PLB1: variants seen among roughly 807,000 people sequenced by gnomAD.
PLB1 encodes the protein phospholipase B1, membrane-associated.
A neutral mutation model predicts 227.4 loss-of-function variants in PLB1; 242 were observed. The ratio of observed to expected loss-of-function variants is 1.06; its 90% CI spans 0.96 to 1.18. The LOEUF is 1.18. PLB1 is among the 50% of genes most tolerant of loss of function. PLB1 has a pLI of 0.00. For missense variants in PLB1, 1,858 were observed against 1,816.3 expected (o/e 1.02, Z -0.42); for synonymous variants, 757 against 682.2 (o/e 1.11, Z -1.71).
chr2:28,516,170 T>C (rs1054558283), intron 1 of PLB1, among the ~76,000 whole-genome samples: 3 of 152,210 alleles, frequency 2.0e-5, no homozygotes, highest in African/African-American at 7.2e-5. Flanking sequence ...TTATTGTAAG[T>C]CAATTACACT....
intron 51 of PLB1, 97 bp downstream of exon 51, chr2:28,626,605 T>G: frequency 1.5e-5 from 9 of 599,538 alleles, no homozygotes; most frequent in Non-Finnish European, 2.3e-5. Flanking sequence ...CCCGAGCTCC[T>G]TGCTCATGGG....
chr2:28,620,692 G>T (rs1274636432), intron 48 of PLB1, 49 bp downstream of exon 48: 1 of 1,608,956 alleles, frequency 6.2e-7, no homozygotes, highest in African/African-American at 1.3e-5. Context: ...TCCTCCCTGG[G>T]GCCAGGGCCT....
chr2:28,551,813 C>T (rs774829115), intron 16 of PLB1, among the ~76,000 whole-genome samples: 7 of 152,158 alleles, frequency 4.6e-5, no homozygotes, highest in Admixed American at 2.0e-4. Context: ...TCTAGCATAC[C>T]ATGAGTTCTA....
chr2:28,591,948 C>T, intron 31 of PLB1, among the ~76,000 whole-genome samples, 188 bp downstream of exon 31: 1 of 152,192 alleles, frequency 6.6e-6, no homozygotes, highest in East Asian at 1.9e-4. Context: ...ACACCATGCC[C>T]AGCAGGCACC....
chr2:28,508,725 AGTGTGGTCCACACCCTTGCTG>A (rs2148163865), intron 1 of PLB1, among the ~76,000 whole-genome samples: 1 of 152,360 alleles, frequency 6.6e-6, no homozygotes, highest in Admixed American at 6.5e-5. Context: ...AGTGGAGAGC[AGTGTGGTCCACACCCTTGCTG>A]GTGTGGTCTG....
intron 7 of PLB1, 89 bp downstream of exon 7, chr2:28,529,496 C>G: frequency 8.6e-7 from 1 of 1,163,560 alleles, no homozygotes; most frequent in Non-Finnish European, 1.3e-6. Context: ...CTGGCAAAGT[C>G]AAAGAGGCTT....
chr2:28,560,579 G>A (rs972947190), intron 17 of PLB1, among the ~76,000 whole-genome samples: 24 of 152,284 alleles, frequency 1.6e-4, no homozygotes, highest in African/African-American at 4.8e-4. Flanking sequence ...CCAGGAGGCC[G>A]AGGCTGCAGT....
At chr2:28,539,989 C>A (rs1430887394) in intron 11 of PLB1, among the ~76,000 whole-genome samples, 1 of 148,028 alleles carries the variant, frequency 6.8e-6, no homozygotes, top group Non-Finnish European at 1.5e-5. Context: ...TACCCACCCC[C>A]CAGGGAGAGC....
intron 56 of PLB1, among the ~76,000 whole-genome samples, chr2:28,635,999 GTATGTGTATGTATGTATGAA>G (rs1176943513): frequency 4.0e-5 from 6 of 151,566 alleles, no homozygotes; most frequent in Non-Finnish European, 5.9e-5. Context: ...ATGTGTGTAT[GTATGTGTATGTATGTATGAA>G]TGTGTGTGTA....
Position 28,589,472 on chromosome 2 carries a change from A to G in PLB1, c.1838A>G (p.Glu613Gly). 3 of 1,614,006 alleles carry G rather than the reference A, an allele frequency of 1.9e-6. No homozygotes were observed. Among genetic ancestry groups the G allele is most frequent in the Non-Finnish European group, 2.5e-6 (3 of 1,179,870 alleles). The stretch of plus-strand genomic sequence containing the variant: ...CAGGAGAAGACCCACCAACTGATTG[A>G]GAGTGGGCGATATGACACAAGGGAA... ...KFQEKTHQLI[E>G]SGRYDTREDF... The change falls in exon 27 of 58, where the codon GAG becomes GGG. Residue 613 changes from glutamate to glycine, a missense_variant. By Grantham distance (98) the Glu-to-Gly change is moderately conservative. Coordinates refer to ENST00000327757, the MANE Select transcript of PLB1 (RefSeq NM_153021.5).
chr2:28,590,692 G>A (rs1287316530), intron 29 of PLB1, among the ~76,000 whole-genome samples: 4 of 152,098 alleles, frequency 2.6e-5, no homozygotes, highest in African/African-American at 9.7e-5. Flanking sequence ...GTTTACGTGA[G>A]GCAGGACCAA....
chr2:28,542,425 G>A (rs1176359430), intron 13 of PLB1, among the ~76,000 whole-genome samples: 1 of 152,102 alleles, frequency 6.6e-6, no homozygotes, highest in Non-Finnish European at 1.5e-5. Context: ...CCTTGGACAA[G>A]GTGTTGAACT....
At chr2:28,553,967 C>A (rs1674628031) in intron 17 of PLB1, among the ~76,000 whole-genome samples, 1 of 152,096 alleles carries the variant, frequency 6.6e-6, no homozygotes, top group Admixed American at 6.5e-5. Flanking sequence ...GCCCTTCACA[C>A]ATGCCGTAGC....
chr2:28,623,847 A>G (rs1687366481), intron 49 of PLB1, among the ~76,000 whole-genome samples: 1 of 152,222 alleles, frequency 6.6e-6, no homozygotes, highest in African/African-American at 2.4e-5. Context: ...CACGCCTCTA[A>G]TCCCAGCACT....
chr2:28,582,547 C>T (rs1295288796), intron 25 of PLB1, 42 bp downstream of exon 25: 11 of 1,456,172 alleles, frequency 7.6e-6, no homozygotes, highest in Non-Finnish European at 1.0e-5. Flanking sequence ...AGAATCCTCA[C>T]TGCTAAGGGC....
chr2:28,539,001 C>A, intron 10 of PLB1, 98 bp from the exon 11 acceptor site: 1 of 952,162 alleles, frequency 1.1e-6, no homozygotes, highest in South Asian at 1.3e-5. Flanking sequence ...CCATCACACT[C>A]AACCACACCC....
chr2:28,553,171 A>G (rs1674516550), intron 17 of PLB1, among the ~76,000 whole-genome samples, 180 bp downstream of exon 17: 1 of 152,236 alleles, frequency 6.6e-6, no homozygotes, highest in Non-Finnish European at 1.5e-5. Flanking sequence ...AAAATGTGAT[A>G]TCATTATCAG....
intron 17 of PLB1, among the ~76,000 whole-genome samples, chr2:28,562,741 G>A (rs1019797014): frequency 1.3e-5 from 2 of 152,002 alleles, no homozygotes; most frequent in East Asian, 1.9e-4. Context: ...CACTCGCCTT[G>A]TAGCATCTGG....
rs374902189 is a variant in PLB1 at position 28,598,714 on chromosome 2, G to T, written c.2428G>T (p.Asp810Tyr). ...CGCCGTGGGCACGGGTGATGCCAATGACACGAATGCATTCCTCAATCAAGC... is the reference window on the plus strand; with the variant it reads ...CGCCGTGGGCACGGGTGATGCCAATTACACGAATGCATTCCTCAATCAAGC... The part of the protein sequence containing the change: ...GYAVGTGDAN[D>Y]TNAFLNQAVP... The change falls in exon 35 of 58, where the codon GAC (aspartate) becomes TAC (tyrosine). Residue 810 changes from aspartate (D) to tyrosine (Y), a missense_variant. Asp to Tyr is a radical substitution (Grantham distance 160, BLOSUM62 -3). Transcript: ENST00000327757. 9 of 1,614,130 alleles carry T rather than the reference G, an allele frequency of 5.6e-6. No homozygotes were observed. Among genetic ancestry groups the T allele is most frequent in the Non-Finnish European group, 5.1e-6 (6 of 1,180,042 alleles).
Sources: allele counts gnomAD v4.1 joint callset (sites outside exome capture counted in the v4.1 genomes callset), GRCh38; gene constraint gnomAD v4.1.1; transcripts MANE v1.5; gene names NCBI Gene and HGNC (gene_info 2026-07-23, HGNC 2026-07-21).